Variants in TTC7A observed in about 807,000 individuals in gnomAD.
The protein encoded by TTC7A is tetratricopeptide repeat protein 7A.
TTC7A carries 110 observed loss-of-function variants against 103.7 expected under a neutral mutation model. The observed-to-expected ratio is 1.06, with a 90% CI of 0.91 to 1.24. The LOEUF (loss-of-function observed/expected upper bound fraction) is 1.24, where lower values mean the gene tolerates loss of function less well. Among genes scored for constraint, TTC7A ranks in the 50% most tolerant of loss-of-function variants. TTC7A has a pLI of 0.00. For synonymous variants in TTC7A, 521 were observed against 467.9 expected (o/e 1.11, Z -1.47); for missense variants, 1,340 against 1,116.3 (o/e 1.20, Z -2.86).
chr2:46,918,342 T>G (rs1668922670), intron 2 of TTC7A, among the ~76,000 whole-genome samples: 1 of 152,224 alleles, frequency 6.6e-6, no homozygotes, highest in Admixed American at 6.5e-5. Context: ...ATCCTGAGTC[T>G]TTGACTTCTT....
intron 16 of TTC7A, 23 bp downstream of exon 16, chr2:47,046,454 T>G (rs746620512): frequency 6.3e-7 from 1 of 1,598,398 alleles, no homozygotes; most frequent in Admixed American, 1.7e-5. Flanking sequence ...CATTGTCTCT[T>G]GGGTTGCCAG....
intron 11 of TTC7A, among the ~76,000 whole-genome samples, chr2:47,021,623 A>T (rs1679287493): frequency 1.3e-5 from 2 of 152,188 alleles, no homozygotes; most frequent in African/African-American, 4.8e-5. Flanking sequence ...ACAGGCCCCT[A>T]CAGAGGCCAT....
chr2:46,988,789 G>T (rs1675305430), intron 5 of TTC7A, among the ~76,000 whole-genome samples: 1 of 152,212 alleles, frequency 6.6e-6, no homozygotes, highest in African/African-American at 2.4e-5. Context: ...GACAGGTGTT[G>T]TCTTTCTCAG....
rs934140273 is a variant in TTC7A at position 47,074,232 on chromosome 2, A to G, written c.*309A>G. The G allele has an allele frequency of 3.8e-5, 16 of 417,014 alleles. No homozygotes were observed. Among genetic ancestry groups the G allele is most frequent in the Non-Finnish European group, 6.6e-5 (15 of 226,710 alleles). 25.8% of individuals were successfully genotyped at this position (417,014 alleles called of 1,614,324 possible). A position where few individuals can be genotyped will look rare whatever the true frequency, so the allele number is the denominator to read the frequency against. On this transcript the variant is annotated 3_prime_UTR_variant, in exon 20 of 20. Coordinates refer to ENST00000319190, the MANE Select transcript of TTC7A (RefSeq NM_020458.4). ...TCACAGCTGTCCTTCACCCTCACCC[A>G]TGCCTCTGGCTTGGAGTCTGGGTGG... is the stretch of plus-strand genomic sequence containing the variant.
intron 15 of TTC7A, among the ~76,000 whole-genome samples, chr2:47,030,023 G>T (rs939085562): frequency 8.3e-6 from 1 of 120,242 alleles, no homozygotes; most frequent in East Asian, 3.4e-4. Context: ...CTCTGTCAGG[G>T]GAGTTAGGGG....
intron 19 of TTC7A, among the ~76,000 whole-genome samples, chr2:47,072,704 CAA>C (rs1675936433): frequency 6.6e-6 from 1 of 152,202 alleles, no homozygotes; most frequent in Non-Finnish European, 1.5e-5. Context: ...CGTCTTGGAA[CAA>C]GAGAAGGGCC....
At chr2:47,028,018 C>T (rs1345812961) in intron 14 of TTC7A, among the ~76,000 whole-genome samples, 1 of 152,152 alleles carries the variant, frequency 6.6e-6, no homozygotes, top group Non-Finnish European at 1.5e-5. Context: ...GTAGTAACCT[C>T]CACAGCTGAA....
intron 16 of TTC7A, among the ~76,000 whole-genome samples, chr2:47,048,754 G>C (rs6731476): frequency 0.36 from 55,053 of 151,814 alleles, 10,052 homozygotes; most frequent in Middle Eastern, 0.39. Flanking sequence ...AGGCACCCAC[G>C]ACCATGTCTG....
intron 2 of TTC7A, among the ~76,000 whole-genome samples, chr2:46,917,688 T>G (rs1668885249): frequency 6.6e-6 from 1 of 152,214 alleles, no homozygotes; most frequent in Non-Finnish European, 1.5e-5. Flanking sequence ...CCCATCAACA[T>G]ATAAACTTGC....
At chr2:47,020,287 C>T (rs1447243011) in intron 11 of TTC7A, among the ~76,000 whole-genome samples, 1 of 152,246 alleles carries the variant, frequency 6.6e-6, no homozygotes, top group Non-Finnish European at 1.5e-5. Context: ...CAGTGCTCTT[C>T]TCACCATGTG....
chr2:46,964,100 C>T (rs1251758122), intron 3 of TTC7A, among the ~76,000 whole-genome samples: 3 of 152,206 alleles, frequency 2.0e-5, no homozygotes, highest in African/African-American at 7.2e-5. Context: ...CTGTGGACAT[C>T]GCTCTCTCTG....
chr2:46,978,441 T>A (rs886370321), intron 4 of TTC7A, among the ~76,000 whole-genome samples: 28 of 152,128 alleles, frequency 1.8e-4, no homozygotes, highest in Non-Finnish European at 7.4e-5. Flanking sequence ...GAATGAATGT[T>A]AGGGGCTTAG....
intron 2 of TTC7A, 120 bp from the exon 3 acceptor site, chr2:46,956,719 T>C: frequency 2.9e-6 from 3 of 1,029,728 alleles, no homozygotes; most frequent in Non-Finnish European, 4.5e-6. Flanking sequence ...AAGAAGGCTT[T>C]CTGGAGGAGG....
At chr2:46,950,560 C>G (rs775728005) in intron 2 of TTC7A, 34 bp downstream of exon 2, 5 of 1,609,574 alleles carry the variant, frequency 3.1e-6, no homozygotes, top group Non-Finnish European at 4.2e-6. Context: ...GAGACCTCCT[C>G]TCCTCGTCTG....
At chr2:46,965,562 CAT>C (rs1672761867) in intron 3 of TTC7A, among the ~76,000 whole-genome samples, 3 of 132,696 alleles carry the variant, frequency 2.3e-5, no homozygotes, top group Admixed American at 8.1e-5. Flanking sequence ...TCCCTGGATT[CAT>C]TTTTTTTTTT....
At chr2:47,013,632 C>T (rs1678311760) in intron 11 of TTC7A, among the ~76,000 whole-genome samples, 1 of 152,228 alleles carries the variant, frequency 6.6e-6, no homozygotes, top group Non-Finnish European at 1.5e-5. Context: ...GTCTTCCCAC[C>T]ATGCAGGAGC....
At position 46,956,996 on chromosome 2, in the gene TTC7A, T is replaced by C. The variant is rs1671925781; in HGVS notation, c.506T>C (p.Phe169Ser). 1.9e-6 allele frequency: 3 copies of C among 1,613,976 alleles called. No homozygotes were observed. The highest frequency in any genetic ancestry group is 2.7e-5 in the African/African-American group (2 of 74,904). Reference protein sequence around the residue: ...LYQMRLLSEAFVIKGLSLERL... With the variant: ...LYQMRLLSEASVIKGLSLERL... ...CAGATGCGGCTGCTGTCGGAGGCTTTTGTCATCAAAGGTAGCTGTGGGCAC... is the reference window on the plus strand; with the variant it reads ...CAGATGCGGCTGCTGTCGGAGGCTTCTGTCATCAAAGGTAGCTGTGGGCAC... Residue 169 changes from phenylalanine to serine, a missense_variant, in exon 3 of 20, where the codon TTT becomes TCT. Coordinates refer to ENST00000319190, the MANE Select transcript of TTC7A (RefSeq NM_020458.4).
rs146371577 is a variant in TTC7A at position 47,067,560 on chromosome 2, T to G, written c.2356-6142T>G. ...CTACGGTTGGTTGGCTGGGATGGTT[T>G]TTAAAATGAGTATCAGAGCTGGCTC... is the stretch of plus-strand genomic sequence containing the variant. On this transcript the variant is annotated intron_variant, in intron 19 of 19. Coordinates refer to ENST00000319190, the MANE Select transcript of TTC7A (RefSeq NM_020458.4). Among the ~76,000 whole-genome samples the G allele has an allele frequency of 5.9e-5, 9 of 152,248 alleles. No homozygotes were observed. The South Asian group carries it at 1.5e-3, about 25-fold the overall frequency.
chr2:47,068,024 T>G (rs886959176), intron 19 of TTC7A: 1 of 152,352 alleles, frequency 6.6e-6, no homozygotes, highest in Non-Finnish European at 1.5e-5. Context: ...TGACCTTAGC[T>G]ACGGGGAGGG....
Sources: gnomAD v4.1 joint callset for allele counts (sites outside exome capture counted in the v4.1 genomes callset) on GRCh38, gnomAD v4.1.1 for gene constraint, MANE v1.5 for transcripts, NCBI Gene and HGNC (gene_info 2026-07-23, HGNC 2026-07-21) for gene names.